Variants in TMPRSS11F observed in about 807,000 individuals in gnomAD.
TMPRSS11F encodes the protein transmembrane protease serine 11F.
A neutral mutation model predicts 60.2 loss-of-function variants in TMPRSS11F; 47 were observed. The observed-to-expected ratio is 0.78, with a 90% CI of 0.62 to 1.00. TMPRSS11F has a LOEUF of 1.00. Ranked by LOEUF, TMPRSS11F falls within the 50% of genes least tolerant of loss-of-function variation. The pLI is 0.00. For missense variants in TMPRSS11F, 519 were observed against 522.9 expected, an observed-to-expected ratio of 0.99 and a Z score of 0.07; for synonymous variants, 166 against 167.3, an observed-to-expected ratio of 0.99 and a Z score of 0.06.
chr4:68,061,222 A>G (rs1723166937), intron 8 of TMPRSS11F, among the ~76,000 whole-genome samples: 1 of 152,222 alleles, frequency 6.6e-6, no homozygotes, highest in South Asian at 2.1e-4. Flanking sequence ...CAACTTTTAC[A>G]TACTTCGGAG....
At chr4:68,062,819 G>C (rs3819257) in intron 8 of TMPRSS11F, 5 of 757,120 alleles carry the variant, frequency 6.6e-6, no homozygotes, top group Admixed American at 1.7e-5. Flanking sequence ...CTCTTGATCC[G>C]TGGATTTCCG....
chr4:68,063,479 C>CA (rs1413004698), intron 8 of TMPRSS11F, among the ~76,000 whole-genome samples: 4 of 152,196 alleles, frequency 2.6e-5, no homozygotes. Context: ...CAGAGTCAAG[C>CA]AATTCTCCTG....
At chr4:68,101,653 C>T (rs764297739) in intron 1 of TMPRSS11F, among the ~76,000 whole-genome samples, 7 of 151,960 alleles carry the variant, frequency 4.6e-5, no homozygotes, top group Non-Finnish European at 8.8e-5. Context: ...CATTTAAACC[C>T]GAATGAGTTG....
At chr4:68,127,411 A>G (rs532454157) in intron 1 of TMPRSS11F, among the ~76,000 whole-genome samples, 1 of 152,106 alleles carries the variant, frequency 6.6e-6, no homozygotes, top group Non-Finnish European at 1.5e-5. Flanking sequence ...GCCTCATCAC[A>G]AAGGTCTCAA....
chr4:68,100,043 C>G (rs1365578673), intron 1 of TMPRSS11F, among the ~76,000 whole-genome samples: 1 of 88,524 alleles, frequency 1.1e-5, no homozygotes, highest in Non-Finnish European at 2.4e-5. Context: ...CTCACCAGGT[C>G]AAAAAAAAAA....
rs76428141 is a variant in TMPRSS11F, at chr4:68,102,785, T to G, written c.12-3747A>C. Among the ~76,000 whole-genome samples, 1,379 of 152,252 alleles carry G rather than the reference T, an allele frequency of 9.1e-3. 27 individuals are homozygous for G. The highest frequency in any genetic ancestry group is 0.032 in the African/African-American group (1,310 of 41,550). Reference sequence around the variant, plus strand: ...TGGGCTGCTTTTTCATTTTATCAATTGTTTCTTTTGCTGTGTAGAAGCTTT... The same window carrying G: ...TGGGCTGCTTTTTCATTTTATCAATGGTTTCTTTTGCTGTGTAGAAGCTTT... On this transcript the variant is annotated intron_variant, in intron 1 of 9. Coordinates refer to ENST00000356291, the MANE Select transcript of TMPRSS11F (RefSeq NM_207407.2).
chr4:68,090,383 C>A, intron 3 of TMPRSS11F, 140 bp downstream of exon 3: 1 of 1,296,920 alleles, frequency 7.7e-7, no homozygotes, highest in Non-Finnish European at 1.0e-6. Context: ...TAATTTAATC[C>A]TCACAACTGT....
intron 3 of TMPRSS11F, among the ~76,000 whole-genome samples, chr4:68,074,453 A>G (rs1410222381): frequency 6.6e-6 from 1 of 152,262 alleles, no homozygotes; most frequent in Non-Finnish European, 1.5e-5. Context: ...TTTCTAAGAA[A>G]GCTTACCTTG....
chr4:68,081,633 A>G (rs1488635426), intron 3 of TMPRSS11F, among the ~76,000 whole-genome samples: 2 of 152,240 alleles, frequency 1.3e-5, no homozygotes, highest in African/African-American at 4.8e-5. Context: ...ATATTAATTT[A>G]ATCACACGAG....
At chr4:68,068,391 C>T (rs1307113158) in intron 7 of TMPRSS11F, among the ~76,000 whole-genome samples, 1 of 152,028 alleles carries the variant, frequency 6.6e-6, no homozygotes, top group Non-Finnish European at 1.5e-5. Flanking sequence ...ATAGGAAAGA[C>T]AGCACTAGGG....
At chr4:68,059,872 A>G (rs1451567145) in intron 8 of TMPRSS11F, among the ~76,000 whole-genome samples, 2 of 152,138 alleles carry the variant, frequency 1.3e-5, no homozygotes, top group Non-Finnish European at 2.9e-5. Flanking sequence ...TCAAGTAGAA[A>G]CCAGGACAGC....
Position 68,072,221 on chromosome 4 carries a change from CAAAAAAAA to C in TMPRSS11F, c.514+94_514+101del, listed in dbSNP as rs61257089. The C allele has an allele frequency of 1.2e-3, 67 of 57,830 alleles. 10 individuals carry two copies. The highest frequency in any genetic ancestry group is 3.8e-3 in the African/African-American group (66 of 17,288). 3.6% of individuals were successfully genotyped at this position (57,830 alleles called of 1,614,324 possible). On this transcript the variant is annotated intron_variant, in intron 5 of 9. Transcript: ENST00000356291. ...ATTTTATATATATATATATATCTTCCAAAAAAAAAATATATATATATATATATATTGCT... is the reference window on the plus strand; with the variant it reads ...ATTTTATATATATATATATATCTTCCAATATATATATATATATATATTGCT...
chr4:68,087,625 A>T (rs1306399336), intron 3 of TMPRSS11F, among the ~76,000 whole-genome samples: 1 of 152,168 alleles, frequency 6.6e-6, no homozygotes, highest in East Asian at 1.9e-4. Context: ...CTTCACAAAA[A>T]AAGCTCCCAG....
At chr4:68,110,522 G>C (rs1724391433) in intron 1 of TMPRSS11F, among the ~76,000 whole-genome samples, 1 of 152,146 alleles carries the variant, frequency 6.6e-6, no homozygotes, top group African/African-American at 2.4e-5. Context: ...ATACTAGTTA[G>C]AAGCCCAGAT....
intron 3 of TMPRSS11F, among the ~76,000 whole-genome samples, chr4:68,088,251 T>G (rs925120283): frequency 2.6e-5 from 4 of 151,556 alleles, no homozygotes; most frequent in Non-Finnish European, 4.4e-5. Flanking sequence ...TCCTAGTCTC[T>G]GATAAAACAG....
intron 1 of TMPRSS11F, among the ~76,000 whole-genome samples, chr4:68,120,686 C>T (rs1415437338): frequency 6.6e-6 from 1 of 152,176 alleles, no homozygotes; most frequent in Non-Finnish European, 1.5e-5. Context: ...CCGCGCCCGG[C>T]CGAGAAATCT....
In TMPRSS11F at chr4:68,064,889, C is replaced by G. The variant is rs750121063; in HGVS notation, c.811G>C (p.Ala271Pro). 6.2e-7 allele frequency: 1 copy of G among 1,613,976 alleles called. No homozygotes were observed. Among genetic ancestry groups the G allele is most frequent in the Non-Finnish European group, 8.5e-7 (1 of 1,179,964 alleles). The change falls in exon 8 of 10, where the codon GCA (alanine) becomes CCA (proline). Residue 271 changes from alanine (A) to proline (P), a missense_variant. Coordinates refer to ENST00000356291, the MANE Select transcript of TMPRSS11F (RefSeq NM_207407.2). ...ATFGATITPP[A>P]VKRNVRKIIL... ...ATTTTCCTCACATTTCGTTTCACTG[C>G]GGGTGGTGTTATAGTTGCACCAAAA...
chr4:68,116,823 C>A (rs988446537), intron 1 of TMPRSS11F, among the ~76,000 whole-genome samples: 1 of 152,088 alleles, frequency 6.6e-6, no homozygotes, highest in Non-Finnish European at 1.5e-5. Context: ...CTATTTCACA[C>A]CTTTCATAAA....
intron 2 of TMPRSS11F, among the ~76,000 whole-genome samples, chr4:68,093,366 T>A (rs1050912495): frequency 6.2e-4 from 94 of 152,086 alleles, no homozygotes; most frequent in African/African-American, 2.1e-3. Context: ...TGAAACTGGA[T>A]CCCTTCCTTA....
Sources: allele counts gnomAD v4.1 joint callset (sites outside exome capture counted in the v4.1 genomes callset), GRCh38; gene constraint gnomAD v4.1.1; transcripts MANE v1.5; gene names NCBI Gene and HGNC (gene_info 2026-07-23, HGNC 2026-07-21).